GTF3C5: variants seen among roughly 807,000 people sequenced by gnomAD.
The protein encoded by GTF3C5 is general transcription factor 3C polypeptide 5.
In GTF3C5, 47 loss-of-function variants were observed where a neutral mutation model predicts 61.0. The ratio of observed to expected loss-of-function variants is 0.77; its 90% CI spans 0.61 to 0.98. The LOEUF (loss-of-function observed/expected upper bound fraction) is 0.98. GTF3C5 is among the 50% of genes least tolerant of loss of function. The pLI is 0.00. For synonymous variants in GTF3C5, 295 were observed against 275.4 expected (o/e 1.07, Z -0.71); for missense variants, 659 against 703.3 (o/e 0.94, Z 0.71).
At chr9:133,040,805 AG>A (rs1318107260) in intron 1 of GTF3C5, among the ~76,000 whole-genome samples, 1 of 152,242 alleles carries the variant, frequency 6.6e-6, no homozygotes, top group Admixed American at 6.5e-5. Context: ...CCAGGTGCTG[AG>A]GCAAGAGACC....
At chr9:133,030,777 A>AC, upstream of GTF3C5, 1 of 629,778 alleles carries the variant, frequency 1.6e-6, no homozygotes, top group African/African-American at 1.8e-5. Flanking sequence ...CGGTGGACTA[A>AC]CTCGCTTAAT....
intron 3 of GTF3C5, among the ~76,000 whole-genome samples, chr9:133,047,196 A>G (rs915606070): frequency 1.3e-5 from 2 of 152,064 alleles, no homozygotes; most frequent in Non-Finnish European, 2.9e-5. Context: ...AGCACTCCCC[A>G]ACATCACCCA....
At chr9:133,057,751 C>T in intron 10 of GTF3C5, 63 bp from the exon 11 acceptor site, 1 of 1,481,206 alleles carries the variant, frequency 6.8e-7, no homozygotes, top group Non-Finnish European at 9.0e-7. Flanking sequence ...AGCCTGGTGG[C>T]CTTTCTGGGG....
intron 3 of GTF3C5, among the ~76,000 whole-genome samples, chr9:133,048,340 C>CA (rs1464600782): frequency 3.9e-5 from 6 of 151,906 alleles, no homozygotes; most frequent in African/African-American, 1.2e-4. Flanking sequence ...ACTAAAAATA[C>CA]AAAAAAATTA....
chr9:133,054,697 G>T lies in GTF3C5; in HGVS notation c.1070-15G>T. Reference sequence around the variant, plus strand: ...CACCCTGCACATTCCAAGCACTGCTGTTGTCCCCACGCAGCCAGCCAGCTT... The same window carrying T: ...CACCCTGCACATTCCAAGCACTGCTTTTGTCCCCACGCAGCCAGCCAGCTT... On this transcript the variant is annotated splice_polypyrimidine_tract_variant and intron_variant, in intron 7 of 10. Transcript: ENST00000372097. 6.4e-7 allele frequency: 1 copy of T among 1,556,324 alleles called. No homozygotes were observed. Among genetic ancestry groups the T allele is most frequent in the Non-Finnish European group, 8.7e-7 (1 of 1,149,166 alleles).
In GTF3C5 at chr9:133,057,802, C is replaced by T; in HGVS notation, c.1394-12C>T. The T allele has an allele frequency of 3.8e-6, 6 of 1,586,416 alleles. No homozygotes were observed. Among genetic ancestry groups the T allele is most frequent in the Middle Eastern group, 1.9e-4 (1 of 5,230 alleles). On this transcript the variant is annotated splice_polypyrimidine_tract_variant and intron_variant, in intron 10 of 10. Coordinates refer to ENST00000372097, the MANE Select transcript of GTF3C5 (RefSeq NM_012087.4). Reference sequence around the variant, plus strand: ...CATGGGACACCCATGGCCTTGTCTCCTCCGGCCCCAGCTCTCTTTTCCAGC... The same window carrying T: ...CATGGGACACCCATGGCCTTGTCTCTTCCGGCCCCAGCTCTCTTTTCCAGC...
intron 9 of GTF3C5, 25 bp from the exon 10 acceptor site, chr9:133,056,741 G>A (rs1829949954): frequency 4.4e-6 from 7 of 1,574,216 alleles, no homozygotes; most frequent in Admixed American, 1.8e-5. Context: ...GGGACTTTAT[G>A]TCCCAACCCT....
At chr9:133,045,085 A>G (rs902462013) in intron 3 of GTF3C5, among the ~76,000 whole-genome samples, 3 of 152,254 alleles carry the variant, frequency 2.0e-5, no homozygotes, top group Non-Finnish European at 4.4e-5. Context: ...ACATAAAAGA[A>G]TAGGATTTCC....
chr9:133,030,997 G>A lies in GTF3C5; in HGVS notation c.-15G>A. ...TGTGGGACGGACCCTGGCGGGCCCT[G>A]CCAGACGCACAGGGATGGCGGCGGA... On this transcript the variant is annotated 5_prime_UTR_variant, in exon 1 of 11. Transcript: ENST00000372097. 8 of 1,612,114 alleles carry A rather than the reference G, an allele frequency of 5.0e-6. No individual in the cohort carries two copies. The highest frequency in any genetic ancestry group is 6.8e-6 in the Non-Finnish European group (8 of 1,178,952).
intron 6 of GTF3C5, 72 bp downstream of exon 6, chr9:133,054,014 G>T: frequency 1.0e-6 from 1 of 967,858 alleles, no homozygotes; most frequent in South Asian, 1.5e-5. Flanking sequence ...ATTCTCTTTT[G>T]TAGTAAGAAT....
intron 1 of GTF3C5, among the ~76,000 whole-genome samples, chr9:133,033,904 G>A (rs1437386823): frequency 3.3e-5 from 5 of 152,154 alleles, no homozygotes; most frequent in Admixed American, 1.3e-4. Context: ...TGTGGAGACC[G>A]GAGGGGAACA....
intron 3 of GTF3C5, among the ~76,000 whole-genome samples, chr9:133,050,474 C>T (rs1472111176): frequency 6.6e-6 from 1 of 152,222 alleles, no homozygotes; most frequent in African/African-American, 2.4e-5. Context: ...TTGGGGCCAC[C>T]AGCCCCATGA....
Position 133,058,204 on chromosome 9 carries a change from A to G in GTF3C5, c.*224A>G. Reference sequence around the variant, plus strand: ...GGGGTTAGGGACATCCCCAAAGGGTATACCCTGGCTCTGCCACCCATGAAC... The same window carrying G: ...GGGGTTAGGGACATCCCCAAAGGGTGTACCCTGGCTCTGCCACCCATGAAC... On this transcript the variant is annotated 3_prime_UTR_variant, in exon 11 of 11. Coordinates refer to ENST00000372097, the MANE Select transcript of GTF3C5 (RefSeq NM_012087.4). 3.0e-6 allele frequency: 4 copies of G among 1,330,372 alleles called. No individual in the cohort carries two copies. The highest frequency in any genetic ancestry group is 2.9e-4 in the Middle Eastern group (1 of 3,446). 82.4% of individuals were successfully genotyped at this position (1,330,372 alleles called of 1,614,324 possible). A position where few individuals can be genotyped will look rare whatever the true frequency, so the allele number is the denominator to read the frequency against.
At chr9:133,052,546 C>T (rs1044480831) in intron 5 of GTF3C5, among the ~76,000 whole-genome samples, 4 of 152,140 alleles carry the variant, frequency 2.6e-5, no homozygotes, top group Non-Finnish European at 5.9e-5. Flanking sequence ...GGCCCCATGT[C>T]GTCCTCTACC....
intron 2 of GTF3C5, among the ~76,000 whole-genome samples, 186 bp from the exon 3 acceptor site, chr9:133,043,542 G>A (rs555461497): frequency 9.9e-4 from 151 of 152,318 alleles, no homozygotes; most frequent in Non-Finnish European, 1.7e-3. Flanking sequence ...TCATGTAAGT[G>A]ACTTAGACTG....
chr9:133,031,013 TGGCGGCGGA>T lies in GTF3C5; in HGVS notation c.9_17del (p.GluAlaAla4_?6), dbSNP rs1849711211. The T allele has an allele frequency of 1.2e-6, 2 of 1,612,302 alleles. No homozygotes were observed. The highest frequency in any genetic ancestry group is 2.2e-5 in the South Asian group (2 of 90,828). On this transcript the variant is annotated start_lost and inframe_deletion, in exon 1 of 11. Transcript: ENST00000372097. ...GCGGGCCCTGCCAGACGCACAGGGA[TGGCGGCGGA>T]GGCGGCCGATTTGGGGCTGGGGGCC...
At chr9:133,033,908 G>A (rs1318954515) in intron 1 of GTF3C5, among the ~76,000 whole-genome samples, 1 of 152,134 alleles carries the variant, frequency 6.6e-6, no homozygotes, top group African/African-American at 2.4e-5. Flanking sequence ...GAGACCGGAG[G>A]GGAACACTGG....
At chr9:133,055,469 T>G (rs1829909860) in intron 8 of GTF3C5, 1 of 1,215,748 alleles carries the variant, frequency 8.2e-7, no homozygotes, top group South Asian at 1.5e-5. Flanking sequence ...GCCTTCCCAG[T>G]GAGGGGCGAT....
At chr9:133,057,394 A>G (rs1829968011) in intron 10 of GTF3C5, among the ~76,000 whole-genome samples, 1 of 152,124 alleles carries the variant, frequency 6.6e-6, no homozygotes, top group Non-Finnish European at 1.5e-5. Flanking sequence ...GAGTTATAAG[A>G]GGCCCCCTCT....
Sources: allele counts gnomAD v4.1 joint callset (sites outside exome capture counted in the v4.1 genomes callset), GRCh38; gene constraint gnomAD v4.1.1; transcripts MANE v1.5; gene names NCBI Gene and HGNC (gene_info 2026-07-23, HGNC 2026-07-21).